Variants in SGCD observed in about 807,000 individuals in gnomAD.
SGCD encodes delta-sarcoglycan.
SGCD carries 18 observed loss-of-function variants against 36.6 expected under a neutral mutation model. The ratio of observed to expected loss-of-function variants is 0.49; its 90% CI spans 0.34 to 0.73. The LOEUF (loss-of-function observed/expected upper bound fraction) is 0.73, where lower values mean the gene tolerates loss of function less well. Ranked by LOEUF, SGCD falls within the 30% of genes least tolerant of loss-of-function variation. The pLI is 0.01. For missense variants in SGCD, 387 were observed against 346.7 expected, an observed-to-expected ratio of 1.12 and a Z score of -0.92; for synonymous variants, 133 against 130.6, an observed-to-expected ratio of 1.02 and a Z score of -0.12.
chr5:156,671,840 G>A (rs115890347), intron 7 of SGCD, among the ~76,000 whole-genome samples: 4,617 of 152,270 alleles, frequency 0.03, 110 homozygotes, highest in Non-Finnish European at 0.047. Context: ...GAAGCCTCAG[G>A]AAGCTTTTAC....
the SGCD span, among the ~76,000 whole-genome samples, chr5:155,842,068 C>T: frequency 6.6e-6 from 1 of 152,098 alleles, no homozygotes; most frequent in Middle Eastern, 3.4e-3. Context: ...TTGAAAGACT[C>T]AGCTTGAAAA....
intron 4 of SGCD, among the ~76,000 whole-genome samples, chr5:156,572,109 C>T (rs1759747824): frequency 6.6e-6 from 1 of 152,188 alleles, no homozygotes; most frequent in Non-Finnish European, 1.5e-5. Context: ...TAATATTCCA[C>T]AGTATGGATA....
chr5:156,751,183 T>C (rs545830629), intron 7 of SGCD, among the ~76,000 whole-genome samples: 38 of 152,230 alleles, frequency 2.5e-4, no homozygotes, highest in African/African-American at 8.2e-4. Context: ...AATAATAGAC[T>C]AGAAAACCCC....
At chr5:156,029,032 GT>G (rs36093815) in intron 1 of SGCD, among the ~76,000 whole-genome samples, 17,532 of 150,824 alleles carry the variant, frequency 0.12, 1,571 homozygotes, top group Admixed American at 0.3. Context: ...AGGCTTTTAT[GT>G]TTTTTTTTAG....
At chr5:155,850,444 C>T in the SGCD span, among the ~76,000 whole-genome samples, 1 of 152,000 alleles carries the variant, frequency 6.6e-6, no homozygotes, top group African/African-American at 2.4e-5. Flanking sequence ...GAGGACAAAT[C>T]ACTCACATGG....
chr5:156,005,128 G>A (rs959984437), intron 1 of SGCD, among the ~76,000 whole-genome samples: 4 of 152,144 alleles, frequency 2.6e-5, no homozygotes, highest in Non-Finnish European at 4.4e-5. Context: ...GGATGCACAG[G>A]TGGATAATAG....
intron 7 of SGCD, among the ~76,000 whole-genome samples, chr5:156,654,564 C>T (rs892513680): frequency 6.6e-6 from 1 of 151,354 alleles, no homozygotes; most frequent in Admixed American, 6.6e-5. Flanking sequence ...CTTCCAGACT[C>T]TCTGCTGGTC....
chr5:155,733,365 T>C, the SGCD span, among the ~76,000 whole-genome samples: 381 of 152,326 alleles, frequency 2.5e-3, 2 homozygotes, highest in Non-Finnish European at 3.9e-3. Context: ...TCTTTTCCCT[T>C]CTATTTCATT....
At chr5:156,610,785 C>G (rs932225211) in intron 6 of SGCD, among the ~76,000 whole-genome samples, 1 of 152,232 alleles carries the variant, frequency 6.6e-6, no homozygotes, top group Admixed American at 6.5e-5. Flanking sequence ...GCAGTTTGAT[C>G]TCAGACTCCT....
Position 156,331,897 on chromosome 5 carries a change from C to T in SGCD, c.3+2318C>T, listed in dbSNP as rs572669953. On this transcript the variant is annotated intron_variant, in intron 2 of 8. Transcript: ENST00000337851. The stretch of plus-strand genomic sequence containing the variant: ...AGAGCCACGCTGTGTTCCTTTCATT[C>T]CTATCGTTACCTATGGTTGACTTCT... Among the ~76,000 whole-genome samples, 13 of 152,300 alleles carry T rather than the reference C, an allele frequency of 8.5e-5. No individual in the cohort carries two copies. The East Asian group carries it at 1.5e-3, about 18-fold the overall frequency.
At chr5:156,003,479 G>A (rs941658848) in intron 1 of SGCD, among the ~76,000 whole-genome samples, 6 of 152,284 alleles carry the variant, frequency 3.9e-5, no homozygotes, top group South Asian at 2.1e-4. Flanking sequence ...ACTCTTTCCC[G>A]GAGCTGTCTG....
intron 3 of SGCD, among the ~76,000 whole-genome samples, chr5:156,234,731 T>C (rs558563777): frequency 6.6e-6 from 1 of 152,256 alleles, no homozygotes; most frequent in African/African-American, 2.4e-5. Flanking sequence ...AAAGAACTTA[T>C]AATTTTCTGC....
intron 1 of SGCD, among the ~76,000 whole-genome samples, chr5:155,922,349 G>T (rs1756895541): frequency 6.6e-6 from 1 of 152,074 alleles, no homozygotes; most frequent in South Asian, 2.1e-4. Context: ...GAACAACGTG[G>T]CAGGGATGTG....
rs1756671107 is a variant in SGCD, at chr5:155,913,443, C to G, written c.-282+43019C>G. 2.6e-5 allele frequency among the ~76,000 whole-genome samples: 4 copies of G among 151,776 alleles called. No individual in the cohort carries two copies. In the South Asian group the frequency reaches 8.3e-4, roughly 31 times the overall value. Reference sequence around the variant, plus strand: ...GTTCCTATTATTCCAAGGCAAGCCTCCTTTGGAACCTTTTAGGGAACCTTT... The same window carrying G: ...GTTCCTATTATTCCAAGGCAAGCCTGCTTTGGAACCTTTTAGGGAACCTTT... On this transcript the variant is annotated intron_variant, in intron 1 of 9. Transcript: ENST00000517913.
the SGCD span, among the ~76,000 whole-genome samples, chr5:155,791,706 A>G: frequency 0.014 from 2,104 of 152,220 alleles, 61 homozygotes; most frequent in African/African-American, 0.048. Context: ...AACCAAGGAG[A>G]TAAGAGATAT....
At chr5:156,072,169 CATTATG>C (rs201713321) in intron 1 of SGCD, among the ~76,000 whole-genome samples, 9,876 of 152,060 alleles carry the variant, frequency 0.065, 1,008 homozygotes, top group African/African-American at 0.22. Flanking sequence ...TTGATCCTGT[CATTATG>C]ATATTAGCTG....
intron 3 of SGCD, among the ~76,000 whole-genome samples, chr5:156,141,189 G>A (rs897750439): frequency 3.3e-5 from 5 of 152,222 alleles, no homozygotes; most frequent in Non-Finnish European, 5.9e-5. Context: ...AGGATGCCTT[G>A]GAGAGTCTCA....
chr5:156,613,458 G>C (rs147249545), intron 6 of SGCD, among the ~76,000 whole-genome samples: 43 of 152,332 alleles, frequency 2.8e-4, no homozygotes, highest in African/African-American at 7.5e-4. Context: ...TCACACATGT[G>C]TGAGTAAGGC....
the SGCD span, among the ~76,000 whole-genome samples, chr5:155,732,709 C>T: frequency 1.4e-4 from 22 of 152,298 alleles, no homozygotes; most frequent in East Asian, 3.5e-3. Context: ...TGAATCAAAA[C>T]CTTGGGGCAG....
Sources: gnomAD v4.1 joint callset for allele counts (sites outside exome capture counted in the v4.1 genomes callset) on GRCh38, gnomAD v4.1.1 for gene constraint, MANE v1.5 for transcripts, NCBI Gene and HGNC (gene_info 2026-07-23, HGNC 2026-07-21) for gene names.